The following PCCA variants were observed in gnomAD, a reference collection of about 807,000 sequenced individuals.
PCCA encodes propionyl-CoA carboxylase alpha chain, mitochondrial.
Under a neutral mutation model 101.3 loss-of-function variants are expected in PCCA, and 74 were observed. That is an observed-to-expected ratio of 0.73 (90% CI 0.61 to 0.89). PCCA has a LOEUF of 0.89. PCCA is among the 40% of genes least tolerant of loss of function. The pLI is 0.00. For missense variants in PCCA, 891 were observed against 907.0 expected (o/e 0.98, Z 0.23); for synonymous variants, 294 against 313.6 (o/e 0.94, Z 0.66).
At chr13:100,168,348 A>G (rs1008332860) in intron 6 of PCCA, among the ~76,000 whole-genome samples, 1 of 152,216 alleles carries the variant, frequency 6.6e-6, no homozygotes, top group African/African-American at 2.4e-5. Context: ...TCTGGACAAA[A>G]TAGAAAAAGC....
rs538968097 is a variant in PCCA at position 100,416,673 on chromosome 13, C to T, written c.1747-8960C>T. On this transcript the variant is annotated intron_variant, in intron 19 of 23. Transcript: ENST00000376285. The stretch of plus-strand genomic sequence containing the variant: ...CTGAGTAACTGGGATTACAGACACT[C>T]GCCACCACGCCCAACTAATTTTTGT... 5.4e-4 allele frequency among the ~76,000 whole-genome samples: 82 copies of T among 151,928 alleles called. 1 individual carries two copies. The highest frequency in any genetic ancestry group is 1.8e-3 in the African/African-American group (73 of 41,422).
chr13:100,298,499 G>A (rs1328550185), intron 12 of PCCA, among the ~76,000 whole-genome samples: 1 of 151,842 alleles, frequency 6.6e-6, no homozygotes, highest in Non-Finnish European at 1.5e-5. Flanking sequence ...CTTCTAAGTG[G>A]GACAAGATGA....
intron 4 of PCCA, among the ~76,000 whole-genome samples, chr13:100,115,975 A>G (rs2048759347): frequency 6.6e-6 from 1 of 152,192 alleles, no homozygotes; most frequent in Admixed American, 6.5e-5. Context: ...AAGCAGGATA[A>G]TGATGGTGGG....
intron 10 of PCCA, among the ~76,000 whole-genome samples, chr13:100,266,600 C>G (rs2062952077): frequency 6.6e-6 from 1 of 152,206 alleles, no homozygotes; most frequent in South Asian, 2.1e-4. Context: ...GGCACCGTTA[C>G]TGTTTCTTGG....
chr13:100,259,469 G>A (rs931677020), intron 9 of PCCA, among the ~76,000 whole-genome samples: 3 of 151,440 alleles, frequency 2.0e-5, no homozygotes, highest in African/African-American at 7.3e-5. Context: ...CGAGTAGCTG[G>A]GACTACAGCT....
chr13:100,479,265 C>T (rs1222998775), intron 21 of PCCA, among the ~76,000 whole-genome samples: 1 of 152,206 alleles, frequency 6.6e-6, no homozygotes, highest in African/African-American at 2.4e-5. Flanking sequence ...GAGGGAATCA[C>T]TGAGTGTGGC....
At chr13:100,494,659 G>T (rs2085144544) in intron 21 of PCCA, among the ~76,000 whole-genome samples, 1 of 145,844 alleles carries the variant, frequency 6.9e-6, no homozygotes, top group Non-Finnish European at 1.5e-5. Context: ...CTCTAGCCTG[G>T]GCAACAAGAG....
chr13:100,320,931 G>A (rs1186051289), intron 16 of PCCA, among the ~76,000 whole-genome samples: 3 of 152,056 alleles, frequency 2.0e-5, no homozygotes, highest in Non-Finnish European at 2.9e-5. Flanking sequence ...TAAATTTTTT[G>A]TAGAGATAGG....
intron 7 of PCCA, among the ~76,000 whole-genome samples, chr13:100,219,168 TA>T (rs2152494449): frequency 6.6e-6 from 1 of 152,316 alleles, no homozygotes; most frequent in South Asian, 2.1e-4. Context: ...CTTTTTGTTT[TA>T]GACATTTGTG....
In PCCA at chr13:100,148,403, C is replaced by T. The variant is rs2052851682; in HGVS notation, c.301-6576C>T. Among the ~76,000 whole-genome samples the T allele has an allele frequency of 3.3e-5, 5 of 151,012 alleles. No homozygotes were observed. In the South Asian group the frequency reaches 1.1e-3, roughly 32 times the overall value. On this transcript the variant is annotated intron_variant, in intron 4 of 23. Coordinates refer to ENST00000376285, the MANE Select transcript of PCCA (RefSeq NM_000282.4). ...CTTTACATCCAGCCATATGTACAGTCCTCACCCCACCCACCCCACCCCTAC... is the reference window on the plus strand; with the variant it reads ...CTTTACATCCAGCCATATGTACAGTTCTCACCCCACCCACCCCACCCCTAC...
At chr13:100,171,809 GAT>G (rs2055684042) in intron 6 of PCCA, among the ~76,000 whole-genome samples, 2 of 152,126 alleles carry the variant, frequency 1.3e-5, no homozygotes, top group African/African-American at 4.8e-5. Flanking sequence ...AAGGTGGACA[GAT>G]CACGAGGTCA....
At chr13:100,527,183 A>C in intron 22 of PCCA, 3 of 409,584 alleles carry the variant, frequency 7.3e-6, no homozygotes, top group Non-Finnish European at 1.0e-5. Flanking sequence ...CGGTGGTTTC[A>C]GTCAATTCAG....
intron 21 of PCCA, chr13:100,490,378 C>T (rs991410278): frequency 6.6e-6 from 1 of 152,244 alleles, no homozygotes; most frequent in African/African-American, 2.4e-5. Context: ...GGATCAGTAA[C>T]AGGTCACAGC....
At chr13:100,136,185 T>A (rs1164991694) in intron 4 of PCCA, among the ~76,000 whole-genome samples, 2 of 17,998 alleles carry the variant, frequency 1.1e-4, no homozygotes, top group African/African-American at 1.3e-3. Context: ...ATAAAATTGT[T>A]TTTTTTTTTT....
At chr13:100,111,803 G>A (rs758864981) in intron 2 of PCCA, 38 bp from the exon 3 acceptor site, 2 of 1,478,988 alleles carry the variant, frequency 1.4e-6, no homozygotes, top group Non-Finnish European at 1.9e-6. Flanking sequence ...CGGTTTAAAA[G>A]TAACAATTTC....
intron 18 of PCCA, among the ~76,000 whole-genome samples, chr13:100,363,421 T>C (rs1423753404): frequency 6.6e-6 from 1 of 152,082 alleles, no homozygotes; most frequent in Non-Finnish European, 1.5e-5. Context: ...TCCTTTGTAG[T>C]CTCCATGTAG....
chr13:100,389,266 G>A (rs2076685104), intron 19 of PCCA, among the ~76,000 whole-genome samples: 1 of 152,176 alleles, frequency 6.6e-6, no homozygotes, highest in Non-Finnish European at 1.5e-5. Context: ...GGGAGGGTAG[G>A]GGAAGGAGTC....
intron 2 of PCCA, 90 bp from the exon 3 acceptor site, chr13:100,111,751 G>A (rs1294885646): frequency 1.3e-6 from 1 of 773,214 alleles, no homozygotes; most frequent in Non-Finnish European, 2.3e-6. Context: ...TATATTCAGT[G>A]TTGATGTTGG....
intron 21 of PCCA, among the ~76,000 whole-genome samples, chr13:100,471,667 A>G (rs933319069): frequency 1.3e-5 from 2 of 152,226 alleles, no homozygotes; most frequent in Non-Finnish European, 2.9e-5. Flanking sequence ...TGTTAATGCC[A>G]CATCTGTCTA....
Sources: allele counts gnomAD v4.1 joint callset (sites outside exome capture counted in the v4.1 genomes callset), GRCh38; gene constraint gnomAD v4.1.1; transcripts MANE v1.5; gene names NCBI Gene and HGNC (gene_info 2026-07-23, HGNC 2026-07-21).